The following COL23A1 variants were observed in gnomAD, a reference collection of about 807,000 sequenced individuals.
COL23A1 encodes collagen alpha-1(XXIII) chain.
A neutral mutation model predicts 99.3 loss-of-function variants in COL23A1; 97 were observed. The observed-to-expected ratio is 0.98, with a 90% CI of 0.83 to 1.16. COL23A1 has a LOEUF of 1.16. Among genes scored for constraint, COL23A1 ranks in the 50% most tolerant of loss-of-function variants. The probability of loss-of-function intolerance (pLI) is 0.00; values close to 1 mark genes in which losing one functional copy is unlikely to be tolerated. For missense variants in COL23A1, 762 were observed against 757.4 expected (o/e 1.01, Z -0.07); for synonymous variants, 320 against 308.2 (o/e 1.04, Z -0.40).
Position 178,445,185 on chromosome 5 carries a change from A to G in COL23A1, c.361+115497T>C, listed in dbSNP as rs150138107. ...ATTTGTTAATATAACTTACGACATT[A>G]ATTAGTCAAAATCATTCATTTAAGA... On this transcript the variant is annotated intron_variant, in intron 2 of 28. Coordinates refer to ENST00000390654, the MANE Select transcript of COL23A1 (RefSeq NM_173465.4). 8.1e-3 allele frequency among the ~76,000 whole-genome samples: 1,228 copies of G among 152,330 alleles called. 19 individuals carry two copies. Among genetic ancestry groups the G allele is most frequent in the African/African-American group, 0.028 (1,172 of 41,568 alleles).
intron 2 of COL23A1, among the ~76,000 whole-genome samples, chr5:178,338,102 G>A (rs1424876863): frequency 3.9e-5 from 6 of 152,134 alleles, no homozygotes; most frequent in African/African-American, 7.2e-5. Flanking sequence ...AGTATGGGCA[G>A]GGGAACTGAC....
chr5:178,379,973 A>G (rs559880401), intron 2 of COL23A1, among the ~76,000 whole-genome samples: 77 of 152,298 alleles, frequency 5.1e-4, no homozygotes, highest in African/African-American at 1.7e-3. Flanking sequence ...GAGGAAACTG[A>G]AGGTCAGGGA....
At position 178,252,560 on chromosome 5, in the gene COL23A1, C is replaced by G; in HGVS notation, c.998G>C (p.Gly333Ala). Residue 333 changes from glycine (G) to alanine (A), a missense_variant, in exon 17 of 29, where the codon GGG (glycine) becomes GCG (alanine). By Grantham distance (60) the Gly-to-Ala change is moderately conservative. Transcript: ENST00000390654. ...PGPQGPPGPPGIPGAKGELGL... is the reference protein window; with the variant it reads ...PGPQGPPGPPAIPGAKGELGL... ...TGCACTGACCTTGGCTCCAGGGATC[C>G]CTGGTGGCCCTGGGGGCCCCTGTGG... 6.2e-7 allele frequency: 1 copy of G among 1,611,730 alleles called. No individual in the cohort carries two copies. Among genetic ancestry groups the G allele is most frequent in the Non-Finnish European group, 8.5e-7 (1 of 1,179,108 alleles).
intron 2 of COL23A1, among the ~76,000 whole-genome samples, chr5:178,350,154 C>G (rs1175088153): frequency 6.6e-6 from 1 of 152,238 alleles, no homozygotes; most frequent in Non-Finnish European, 1.5e-5. Context: ...CCCACGCAGT[C>G]AGCTTCTACT....
At chr5:178,411,549 GT>G in intron 2 of COL23A1, among the ~76,000 whole-genome samples, 1 of 152,310 alleles carries the variant, frequency 6.6e-6, no homozygotes, top group East Asian at 1.9e-4. Context: ...AAAAGGTGTT[GT>G]ATAACTTACA....
chr5:178,579,280 G>A (rs12054910), intron 1 of COL23A1, among the ~76,000 whole-genome samples: 13,128 of 152,230 alleles, frequency 0.086, 1,004 homozygotes, highest in East Asian at 0.39. Flanking sequence ...CATGCTGAGC[G>A]CTTGGGATAC....
At chr5:178,571,287 G>A (rs1397681654) in intron 1 of COL23A1, among the ~76,000 whole-genome samples, 7 of 152,058 alleles carry the variant, frequency 4.6e-5, no homozygotes, top group East Asian at 3.9e-4. Context: ...GCTTGAACCC[G>A]GGAGACAGAG....
intron 2 of COL23A1, among the ~76,000 whole-genome samples, chr5:178,517,887 T>C (rs1243153447): frequency 7.1e-6 from 1 of 140,966 alleles, no homozygotes; most frequent in Non-Finnish European, 1.5e-5. Flanking sequence ...TTTTTTTTTT[T>C]TTTTTTTTTT....
intron 6 of COL23A1, 29 bp downstream of exon 6, chr5:178,270,299 AGCCCAGGAC>A: frequency 6.2e-7 from 1 of 1,613,220 alleles, no homozygotes. Context: ...TGGCAGCCCC[AGCCCAGGAC>A]CCCCTGGAAT....
chr5:178,558,576 T>C (rs1317705285), intron 2 of COL23A1, among the ~76,000 whole-genome samples: 1 of 152,176 alleles, frequency 6.6e-6, no homozygotes, highest in South Asian at 2.1e-4. Flanking sequence ...CACAATTTCA[T>C]GCTGGTGGTT....
chr5:178,307,533 C>T lies in COL23A1; in HGVS notation c.362-614G>A, dbSNP rs78363461. Among the ~76,000 whole-genome samples, 224 of 152,354 alleles carry T rather than the reference C, an allele frequency of 1.5e-3. 2 individuals carry two copies. The South Asian group carries it at 0.022, about 15-fold the overall frequency. On this transcript the variant is annotated intron_variant, in intron 2 of 28. Transcript: ENST00000390654. This position sits in a 1 kb window ranked among gnomAD's most constrained non-coding sequence, Gnocchi z 4.2. Reference sequence around the variant, plus strand: ...TTCCTGTCCACGTCTGTCCTCCATCCGCGCGCTATAAGCCCTTCTGAATTT... The same window carrying T: ...TTCCTGTCCACGTCTGTCCTCCATCTGCGCGCTATAAGCCCTTCTGAATTT...
chr5:178,512,235 A>G (rs1759245480), intron 2 of COL23A1, among the ~76,000 whole-genome samples: 1 of 152,230 alleles, frequency 6.6e-6, no homozygotes, highest in Admixed American at 6.5e-5. Context: ...CATTAGTGGT[A>G]TTGTAGAATT....
intron 2 of COL23A1, among the ~76,000 whole-genome samples, chr5:178,485,779 CA>C (rs528117830): frequency 0.35 from 34,949 of 98,716 alleles, 4,953 homozygotes; most frequent in Admixed American, 0.48. Flanking sequence ...GACTCCATCT[CA>C]AAAAAAAAAA....
intron 1 of COL23A1, among the ~76,000 whole-genome samples, chr5:178,586,429 G>A (rs758346941): frequency 2.0e-5 from 3 of 152,072 alleles, no homozygotes; most frequent in African/African-American, 4.8e-5. Context: ...CTCTGCCTCT[G>A]GTATAAATTC....
At chr5:178,448,162 T>A (rs1444948173) in intron 2 of COL23A1, among the ~76,000 whole-genome samples, 4 of 146,822 alleles carry the variant, frequency 2.7e-5, no homozygotes, top group Non-Finnish European at 6.0e-5. Flanking sequence ...GTTCTGTTAG[T>A]GCTAGTCGCA....
At position 178,238,616 on chromosome 5, in the gene COL23A1, A is replaced by G. The variant is rs1030549078; in HGVS notation, c.*82T>C. The stretch of plus-strand genomic sequence containing the variant: ...CACAGGTAGCGCATTCCATGAAAAA[A>G]GATCAATATATTACTGTTTTGTTTT... On this transcript the variant is annotated 3_prime_UTR_variant, in exon 29 of 29. Transcript: ENST00000390654. 17 of 1,558,718 alleles carry G rather than the reference A, an allele frequency of 1.1e-5. No homozygotes were observed. Among genetic ancestry groups the G allele is most frequent in the Non-Finnish European group, 2.6e-6 (3 of 1,133,264 alleles).
At chr5:178,518,423 G>C (rs951235026) in intron 2 of COL23A1, among the ~76,000 whole-genome samples, 2 of 150,746 alleles carry the variant, frequency 1.3e-5, no homozygotes, top group Admixed American at 1.3e-4. Context: ...ACACCTCCCA[G>C]ACGGGGTGGT....
intron 2 of COL23A1, among the ~76,000 whole-genome samples, chr5:178,441,492 A>G (rs1449216227): frequency 5.9e-5 from 9 of 152,140 alleles, no homozygotes; most frequent in Non-Finnish European, 1.3e-4. Flanking sequence ...AGAGCCGGAA[A>G]CCAAATTCAA....
intron 1 of COL23A1, among the ~76,000 whole-genome samples, chr5:178,585,745 A>AACACTCCACAG (rs1371181299): frequency 0.012 from 63 of 5,426 alleles, no homozygotes; most frequent in Middle Eastern, 0.2. Context: ...GCCCTGGCTG[A>AACACTCCACAG]CCCTGTTGGT....
Sources: allele counts gnomAD v4.1 joint callset (sites outside exome capture counted in the v4.1 genomes callset), GRCh38; gene constraint gnomAD v4.1.1; non-coding constraint Gnocchi (gnomAD v3.1); transcripts MANE v1.5; gene names NCBI Gene and HGNC (gene_info 2026-07-23, HGNC 2026-07-21).